Variants in UNC5A observed in about 807,000 individuals in gnomAD.
UNC5A encodes unc-5 netrin receptor A, also known as netrin receptor UNC5A.
A neutral mutation model predicts 87.4 loss-of-function variants in UNC5A; 20 were observed. That is an observed-to-expected ratio of 0.23 (90% CI 0.16 to 0.33). The LOEUF is 0.33. UNC5A is among the 10% of genes least tolerant of loss of function. The pLI, the probability that UNC5A is intolerant of heterozygous loss-of-function variation, is 1.00. For missense variants in UNC5A, 844 were observed against 1,133.4 expected (o/e 0.74, Z 3.67); for synonymous variants, 438 against 482.3 (o/e 0.91, Z 1.20).
At chr5:176,868,294 T>C in intron 3 of UNC5A, 21 bp downstream of exon 3, 2 of 1,611,196 alleles carry the variant, frequency 1.2e-6, no homozygotes, top group South Asian at 1.1e-5. Flanking sequence ...GGCTGGGCCC[T>C]GGGGGAGGGC....
At position 176,862,631 on chromosome 5, in the gene UNC5A, G is replaced by A. The variant is rs1215927132; in HGVS notation, c.78G>A (p.Gln26=). 6.2e-7 allele frequency: 1 copy of A among 1,613,284 alleles called. No homozygotes were observed. The highest frequency in any genetic ancestry group is 1.7e-5 in the Admixed American group (1 of 60,020). The change falls in exon 2 of 15, where the codon CAG becomes CAA. Residue 26 remains glutamine (Q), a synonymous_variant. Transcript: ENST00000329542. ...LAAWLRGSGA[Q]QSATVANPVP... ...CCCTCTGCCCTGCCGCAGGTGCCCA[G>A]CAGAGTGCCACCGTGGCCAACCCAG...
intron 1 of UNC5A, among the ~76,000 whole-genome samples, chr5:176,820,984 TCTTG>T (rs1375007911): frequency 6.6e-6 from 1 of 152,224 alleles, no homozygotes; most frequent in African/African-American, 2.4e-5. Context: ...ATTGTTTTTT[TCTTG>T]CTTGCCTTCA....
chr5:176,834,831 A>T (rs539791501), intron 1 of UNC5A, among the ~76,000 whole-genome samples: 2 of 151,812 alleles, frequency 1.3e-5, no homozygotes, highest in African/African-American at 4.8e-5. Flanking sequence ...GTGCTAGGAG[A>T]TGGTGTCCCT....
chr5:176,849,325 C>A (rs1351111329), intron 1 of UNC5A, among the ~76,000 whole-genome samples: 1 of 152,250 alleles, frequency 6.6e-6, no homozygotes, highest in Non-Finnish European at 1.5e-5. Flanking sequence ...TGGCTCACGC[C>A]TGTAATCCCA....
chr5:176,832,601 T>C (rs1013257292), intron 1 of UNC5A, among the ~76,000 whole-genome samples: 5 of 152,214 alleles, frequency 3.3e-5, no homozygotes, highest in Non-Finnish European at 7.3e-5. Context: ...CCGCTGCTGC[T>C]ATGACCATGT....
chr5:176,839,157 C>T (rs879808541), intron 1 of UNC5A, among the ~76,000 whole-genome samples: 5 of 152,224 alleles, frequency 3.3e-5, no homozygotes, highest in Admixed American at 3.3e-4. Flanking sequence ...AGGCGACTGC[C>T]TCCCTTACCC....
At chr5:176,858,116 C>G (rs575308131) in intron 1 of UNC5A, among the ~76,000 whole-genome samples, 67 of 152,326 alleles carry the variant, frequency 4.4e-4, no homozygotes, top group African/African-American at 1.6e-3. Flanking sequence ...TGCTAATGCC[C>G]GCATTAAGCA....
chr5:176,850,410 A>G (rs1350893053), intron 1 of UNC5A, among the ~76,000 whole-genome samples: 1 of 151,940 alleles, frequency 6.6e-6, no homozygotes, highest in Non-Finnish European at 1.5e-5. Context: ...AAGGGAAGGC[A>G]CACTTTGGGT....
Position 176,862,743 on chromosome 5 carries a change from G to A in UNC5A, c.190G>A (p.Val64Met), listed in dbSNP as rs1396660884. The A allele has an allele frequency of 1.5e-5, 24 of 1,613,540 alleles. No individual in the cohort carries two copies. Among genetic ancestry groups the A allele is most frequent in the African/African-American group, 2.7e-5 (2 of 74,934 alleles). Residue 64 changes from valine (V) to methionine (M), a missense_variant, in exon 2 of 15, where the codon GTG becomes ATG. By Grantham distance (21) the Val-to-Met change is conservative. Transcript: ENST00000329542. ...CGTCAAGAACAAGCCAGTGCTGCTTGTGTGCAAGGCCGTGCCCGCCACGCA... is the reference window on the plus strand; with the variant it reads ...CGTCAAGAACAAGCCAGTGCTGCTTATGTGCAAGGCCGTGCCCGCCACGCA... Reference protein sequence around the residue: ...YIVKNKPVLLVCKAVPATQIF... With the variant: ...YIVKNKPVLLMCKAVPATQIF...
Position 176,874,201 on chromosome 5 carries a change from C to A in UNC5A, c.1075+45C>A, listed in dbSNP as rs1319778647. Reference sequence around the variant, plus strand: ...CAGCACTCCTGCCCCAGCTCCCACGCCAAGGGCTGCTGGGGCAGGGATGCC... The same window carrying A: ...CAGCACTCCTGCCCCAGCTCCCACGACAAGGGCTGCTGGGGCAGGGATGCC... On this transcript the variant is annotated intron_variant, in intron 7 of 14. Transcript: ENST00000329542. The surrounding 1 kb of genome is among the most constrained non-coding windows in gnomAD (Gnocchi z 7.6). The A allele has an allele frequency of 1.9e-6, 3 of 1,600,730 alleles. No individual in the cohort carries two copies. The African/African-American group carries it at 4.0e-5, about 21-fold the overall frequency.
At chr5:176,851,662 G>T (rs909058776) in intron 1 of UNC5A, among the ~76,000 whole-genome samples, 55 of 152,302 alleles carry the variant, frequency 3.6e-4, no homozygotes, top group African/African-American at 1.3e-3. Flanking sequence ...CACCCCCCTC[G>T]GGTGGCCCCC....
At chr5:176,857,513 CAT>C (rs1757696815) in intron 1 of UNC5A, among the ~76,000 whole-genome samples, 1 of 152,074 alleles carries the variant, frequency 6.6e-6, no homozygotes, top group South Asian at 2.1e-4. Flanking sequence ...CACACACACA[CAT>C]GCATGCCACA....
At chr5:176,840,103 C>T (rs531008346) in intron 1 of UNC5A, among the ~76,000 whole-genome samples, 1 of 152,164 alleles carries the variant, frequency 6.6e-6, no homozygotes, top group Admixed American at 6.5e-5. Context: ...GCAGTCAGCG[C>T]ACCTCGGCCT....
At chr5:176,855,926 C>G (rs934746107) in intron 1 of UNC5A, among the ~76,000 whole-genome samples, 3 of 152,166 alleles carry the variant, frequency 2.0e-5, no homozygotes, top group African/African-American at 7.2e-5. Flanking sequence ...GGGCTGCCAC[C>G]CTGGCCCCTC....
chr5:176,877,730 A>G, intron 10 of UNC5A, 27 bp downstream of exon 10: 1 of 1,569,090 alleles, frequency 6.4e-7, no homozygotes, highest in Non-Finnish European at 8.7e-7. Flanking sequence ...CCCGGGCTCC[A>G]GAAGGGAACG....
rs537484687 is a variant in UNC5A, at chr5:176,879,707, C to G, written c.2364-14C>G. ...GCCAGGCCAGGCTGCTGACGGCCCC[C>G]CTCCCCTCCACAGCCATCTCAGCTT... On this transcript the variant is annotated splice_polypyrimidine_tract_variant and intron_variant, in intron 14 of 14. Transcript: ENST00000329542. 82 of 1,611,098 alleles carry G rather than the reference C, an allele frequency of 5.1e-5. No individual in the cohort carries two copies. In the South Asian group the frequency reaches 8.4e-4, roughly 16 times the overall value.
chr5:176,870,364 A>C lies in UNC5A; in HGVS notation c.722-6A>C. 1.2e-6 allele frequency: 2 copies of C among 1,608,898 alleles called. No individual in the cohort carries two copies. Among genetic ancestry groups the C allele is most frequent in the Non-Finnish European group, 1.7e-6 (2 of 1,178,964 alleles). On this transcript the variant is annotated splice_region_variant and splice_polypyrimidine_tract_variant and intron_variant, in intron 5 of 14. Coordinates refer to ENST00000329542, the MANE Select transcript of UNC5A (RefSeq NM_133369.3). The stretch of plus-strand genomic sequence containing the variant: ...ACCGTCTCCTCTCTGCTTGTCTCTC[A>C]TCTAGTGGACGGCAGCTGGAGCCCG...
Position 176,810,814 on chromosome 5 carries a change from G to T in UNC5A, c.64G>T (p.Gly22Cys). 2 of 1,221,948 alleles carry T rather than the reference G, an allele frequency of 1.6e-6. No homozygotes were observed. Among genetic ancestry groups the T allele is most frequent in the Non-Finnish European group, 2.0e-6 (2 of 981,454 alleles). The allele number at this position is 1,221,948 out of a possible 1,614,324, so 75.7% of individuals were successfully genotyped here. ...CATAGTCCTCGCCGCTTGGCTCCGC[G>T]GCTCGGGTGAGTCACGCCGCGCGCG... The part of the protein sequence containing the change: ...LGIVLAAWLR[G>C]SGAQQSATVA... Residue 22 changes from glycine to cysteine, a missense_variant, in exon 1 of 15, where the codon GGC becomes TGC. By Grantham distance (159) the Gly-to-Cys change is radical. Transcript: ENST00000329542. The surrounding 1 kb of genome is among the most constrained non-coding windows in gnomAD (Gnocchi z 7.3).
chr5:176,823,536 C>T (rs1304411141), intron 1 of UNC5A, among the ~76,000 whole-genome samples: 5 of 152,036 alleles, frequency 3.3e-5, no homozygotes, highest in Non-Finnish European at 7.4e-5. Context: ...CACTGAAAGC[C>T]GTCCGGGAAA....
Sources: allele counts gnomAD v4.1 joint callset (sites outside exome capture counted in the v4.1 genomes callset), GRCh38; gene constraint gnomAD v4.1.1; non-coding constraint Gnocchi (gnomAD v3.1); transcripts MANE v1.5; gene names NCBI Gene and HGNC (gene_info 2026-07-23, HGNC 2026-07-21).